Variants in PTPN4 observed in about 807,000 individuals in gnomAD.
PTPN4 encodes protein tyrosine phosphatase non-receptor type 4.
In PTPN4, 49 loss-of-function variants were observed where a neutral mutation model predicts 135.5. That is an observed-to-expected ratio of 0.36 (90% CI 0.29 to 0.46). The LOEUF (loss-of-function observed/expected upper bound fraction) is 0.46, where lower values mean the gene tolerates loss of function less well. Ranked by LOEUF, PTPN4 falls within the 20% of genes least tolerant of loss-of-function variation. The pLI, the probability that PTPN4 is intolerant of heterozygous loss-of-function variation, is 1.00. For missense variants in PTPN4, 860 were observed against 1,101.0 expected, an observed-to-expected ratio of 0.78 and a Z score of 3.10; for synonymous variants, 333 against 369.9, an observed-to-expected ratio of 0.90 and a Z score of 1.14.
intron 10 of PTPN4, among the ~76,000 whole-genome samples, chr2:119,906,902 T>C (rs1186306839): frequency 6.6e-6 from 1 of 152,152 alleles, no homozygotes; most frequent in Non-Finnish European, 1.5e-5. Flanking sequence ...AACCTGATCA[T>C]AAAGAAAAGC....
intron 2 of PTPN4, among the ~76,000 whole-genome samples, chr2:119,855,934 A>G (rs1677671895): frequency 6.6e-6 from 1 of 151,856 alleles, no homozygotes; most frequent in South Asian, 2.1e-4. Flanking sequence ...CCTCCCAAGT[A>G]GCTAGGACTA....
chr2:119,965,738 C>T (rs1371768288), intron 25 of PTPN4, 93 bp downstream of exon 25: 1 of 1,399,096 alleles, frequency 7.1e-7, no homozygotes, highest in Non-Finnish European at 9.7e-7. Flanking sequence ...GTGTTATTGT[C>T]ACTGTAATAA....
intron 10 of PTPN4, among the ~76,000 whole-genome samples, chr2:119,911,963 A>C (rs952943000): frequency 6.6e-6 from 1 of 151,972 alleles, no homozygotes; most frequent in African/African-American, 2.4e-5. Flanking sequence ...TGTTTGTACA[A>C]AGACTTGCAC....
intron 1 of PTPN4, among the ~76,000 whole-genome samples, chr2:119,803,649 G>A (rs1487695707): frequency 6.6e-6 from 1 of 152,160 alleles, no homozygotes; most frequent in Non-Finnish European, 1.5e-5. Context: ...CTTTGCTAGA[G>A]TGTTCTATAA....
chr2:119,949,984 TC>T (rs985147177), intron 18 of PTPN4, among the ~76,000 whole-genome samples: 1 of 152,058 alleles, frequency 6.6e-6, no homozygotes, highest in African/African-American at 2.4e-5. Context: ...ACTTGTCAGA[TC>T]AGAATGAAAT....
At chr2:119,858,993 AT>A (rs1019710371) in intron 2 of PTPN4, among the ~76,000 whole-genome samples, 2 of 149,898 alleles carry the variant, frequency 1.3e-5, no homozygotes, top group East Asian at 4.0e-4. Flanking sequence ...TTCATTGATT[AT>A]TTTTTTTCTT....
intron 10 of PTPN4, among the ~76,000 whole-genome samples, chr2:119,902,457 A>G (rs1181411858): frequency 2.0e-5 from 3 of 152,226 alleles, no homozygotes; most frequent in African/African-American, 4.8e-5. Flanking sequence ...GGAAAATAAT[A>G]TAAGACAGGA....
chr2:119,798,509 T>C (rs1691304450), intron 1 of PTPN4, among the ~76,000 whole-genome samples: 2 of 152,332 alleles, frequency 1.3e-5, no homozygotes, highest in Non-Finnish European at 2.9e-5. Flanking sequence ...ATGTGATAGA[T>C]AATTTTATTT....
chr2:119,914,116 C>T lies in PTPN4; in HGVS notation c.765-1063C>T, dbSNP rs77132923. ...AGTGATTTGAAACTGGCCTAGATTT[C>T]CTTTCTCTTGATCATTTAGAAATGA... is the stretch of plus-strand genomic sequence containing the variant. On this transcript the variant is annotated intron_variant, in intron 10 of 26. Coordinates refer to ENST00000263708, the MANE Select transcript of PTPN4 (RefSeq NM_002830.4). 1.8e-3 allele frequency among the ~76,000 whole-genome samples: 280 copies of T among 151,974 alleles called. 1 individual carries two copies. The highest frequency in any genetic ancestry group is 6.6e-3 in the African/African-American group (274 of 41,462).
intron 18 of PTPN4, among the ~76,000 whole-genome samples, chr2:119,949,941 G>A (rs1679188721): frequency 6.6e-6 from 1 of 152,058 alleles, no homozygotes; most frequent in South Asian, 2.1e-4. Context: ...TGCTCTGTAT[G>A]TGTGTATATA....
intron 26 of PTPN4, among the ~76,000 whole-genome samples, chr2:119,974,287 C>T (rs1377250119): frequency 2.0e-5 from 3 of 152,304 alleles, no homozygotes; most frequent in African/African-American, 7.2e-5. Context: ...TCTTGGCTCA[C>T]TGCAACCTCC....
chr2:119,844,742 G>A (rs1205729196), intron 2 of PTPN4, among the ~76,000 whole-genome samples: 179 of 142,270 alleles, frequency 1.3e-3, no homozygotes, highest in African/African-American at 4.3e-3. Context: ...GATGGCGGCC[G>A]GGCGGAGACG....
intron 23 of PTPN4, 57 bp downstream of exon 23, chr2:119,961,010 A>G (rs1037785081): frequency 6.8e-7 from 1 of 1,476,488 alleles, no homozygotes; most frequent in South Asian, 1.4e-5. Flanking sequence ...TATACTGCAC[A>G]TATGTAGTCA....
intron 2 of PTPN4, among the ~76,000 whole-genome samples, chr2:119,858,949 C>G (rs183086461): frequency 2.0e-3 from 310 of 151,876 alleles, no homozygotes; most frequent in African/African-American, 7.2e-3. Flanking sequence ...CTGTGTTGTT[C>G]TTATTGAGTA....
At position 119,839,344 on chromosome 2, in the gene PTPN4, C is replaced by T. The variant is rs572640644; in HGVS notation, c.139-23192C>T. Among the ~76,000 whole-genome samples, 23 of 152,254 alleles carry T rather than the reference C, an allele frequency of 1.5e-4. No homozygotes were observed. In the South Asian group the frequency reaches 3.7e-3, roughly 25 times the overall value. On this transcript the variant is annotated intron_variant, in intron 2 of 26. Transcript: ENST00000263708. Reference sequence around the variant, plus strand: ...ATATATTTATTGCATTTCTTATACTCGCAGAAGATTTATAGTGCTAATAAT... The same window carrying T: ...ATATATTTATTGCATTTCTTATACTTGCAGAAGATTTATAGTGCTAATAAT...
At chr2:119,923,315 A>G (rs185898356) in intron 12 of PTPN4, among the ~76,000 whole-genome samples, 6 of 152,296 alleles carry the variant, frequency 3.9e-5, no homozygotes, top group African/African-American at 1.4e-4. Flanking sequence ...TAAAAGTTAC[A>G]GGACTATGAT....
At chr2:119,974,364 AC>A (rs1679583907) in intron 26 of PTPN4, among the ~76,000 whole-genome samples, 1 of 152,166 alleles carries the variant, frequency 6.6e-6, no homozygotes, top group African/African-American at 2.4e-5. Flanking sequence ...GGCGCCCGCC[AC>A]CAGGCCTGGC....
At chr2:119,763,656 A>G (rs1690549070) in intron 1 of PTPN4, among the ~76,000 whole-genome samples, 1 of 152,214 alleles carries the variant, frequency 6.6e-6, no homozygotes, top group Admixed American at 6.5e-5. Flanking sequence ...TTTTCCTTCA[A>G]CTTTATTGAA....
At chr2:119,889,571 A>C (rs1678211040) in intron 9 of PTPN4, among the ~76,000 whole-genome samples, 1 of 151,894 alleles carries the variant, frequency 6.6e-6, no homozygotes, top group African/African-American at 2.4e-5. Context: ...TGAAGAACCA[A>C]CTTTTTGTTT....
Sources: gnomAD v4.1 joint callset for allele counts (sites outside exome capture counted in the v4.1 genomes callset) on GRCh38, gnomAD v4.1.1 for gene constraint, MANE v1.5 for transcripts, NCBI Gene and HGNC (gene_info 2026-07-23, HGNC 2026-07-21) for gene names.